Variants in DTX3L observed in about 807,000 individuals in gnomAD.
DTX3L encodes deltex E3 ubiquitin ligase 3L.
In DTX3L, 34 loss-of-function variants were observed where a neutral mutation model predicts 60.9. That is an observed-to-expected ratio of 0.56 (90% confidence interval 0.42 to 0.74). The LOEUF (loss-of-function observed/expected upper bound fraction) is 0.74, where lower values mean the gene tolerates loss of function less well. Ranked by LOEUF, DTX3L falls within the 30% of genes least tolerant of loss-of-function variation. The probability of loss-of-function intolerance (pLI) is 0.00; values close to 1 mark genes in which losing one functional copy is unlikely to be tolerated. For synonymous variants in DTX3L, 290 were observed against 316.6 expected (o/e 0.92, Z 0.89); for missense variants, 810 against 874.0 (o/e 0.93, Z 0.92).
rs1187398215 is a variant in DTX3L, at chr3:122,571,788, A to AT, written c.*41_*42insT. The AT allele has an allele frequency of 6.4e-7, 1 of 1,553,038 alleles. No individual in the cohort carries two copies. Among genetic ancestry groups the AT allele is most frequent in the Non-Finnish European group, 8.8e-7 (1 of 1,137,918 alleles). ...ATGTCTTAAATCAAGCTTTCAAAAA[A>AT]ATATATTTTAGGAGGCTGATTTAAT... On this transcript the variant is annotated 3_prime_UTR_variant, in exon 5 of 5. Transcript: ENST00000296161.
At position 122,566,084 on chromosome 3, in the gene DTX3L, G is replaced by A; in HGVS notation, c.399+14G>A. 6.2e-7 allele frequency: 1 copy of A among 1,611,700 alleles called. No homozygotes were observed. On this transcript the variant is annotated intron_variant, in intron 2 of 4. Coordinates refer to ENST00000296161, the MANE Select transcript of DTX3L (RefSeq NM_138287.3). ...TGTCTCCAAAAGGTGAGTATTGAAA[G>A]AAGGAGCTGGCTGTGCCTGCGCCTC...
In DTX3L at chr3:122,574,001, CTT is replaced by C. The variant is rs769094713; in HGVS notation, c.*2269_*2270del. 2.9e-4 allele frequency: 39 copies of C among 133,066 alleles called. No homozygotes were observed. The highest frequency in any genetic ancestry group is 2.6e-4 in the Non-Finnish European group (16 of 61,258). The allele number at this position is 133,066 out of a possible 1,614,324, so 8.2% of individuals were successfully genotyped here. A position where few individuals can be genotyped will look rare whatever the true frequency, so the allele number is the denominator to read the frequency against. On this transcript the variant is annotated 3_prime_UTR_variant, in exon 5 of 5. Transcript: ENST00000296161. ...CACAGAAGTGCACCACCATGCCTGG[CTT>C]TTTTTTTTTTTTTTGGTCGAGATGG...
At chr3:122,567,074 A>G (rs548007050) in intron 2 of DTX3L, among the ~76,000 whole-genome samples, 1 of 152,294 alleles carries the variant, frequency 6.6e-6, no homozygotes, top group African/African-American at 2.4e-5. Flanking sequence ...AAGAGCTGAC[A>G]TTTTGAGGCC....
rs2080655233 is a variant in DTX3L, at chr3:122,572,868, C to G, written c.*1121C>G. On this transcript the variant is annotated 3_prime_UTR_variant, in exon 5 of 5. Coordinates refer to ENST00000296161, the MANE Select transcript of DTX3L (RefSeq NM_138287.3). ...TGCTGGAATTACAGGCATGAGCCACCACACCCACACAAGACTATCATTTTT... is the reference window on the plus strand; with the variant it reads ...TGCTGGAATTACAGGCATGAGCCACGACACCCACACAAGACTATCATTTTT... 1 of 151,920 alleles carries G rather than the reference C, an allele frequency of 6.6e-6. No individual in the cohort carries two copies. Among genetic ancestry groups the G allele is most frequent in the African/African-American group, 2.4e-5 (1 of 41,254 alleles). 9.4% of individuals were successfully genotyped at this position (151,920 alleles called of 1,614,324 possible).
rs1250245379 is a variant in DTX3L at position 122,564,552 on chromosome 3, G to C, written c.126G>C (p.Thr42=). 9 of 1,610,418 alleles carry C rather than the reference G, an allele frequency of 5.6e-6. No homozygotes were observed. Among genetic ancestry groups the C allele is most frequent in the African/African-American group, 1.3e-5 (1 of 74,474 alleles). ...SSKSSGGGEC[T]VSTQEHEAPG... ...AGTCCTCGGGCGGCGGGGAGTGCACGGTCAGCACCCAGGAACACGAAGCCC... is the reference window on the plus strand; with the variant it reads ...AGTCCTCGGGCGGCGGGGAGTGCACCGTCAGCACCCAGGAACACGAAGCCC... Residue 42 remains threonine, a synonymous_variant, in exon 1 of 5, where the codon ACG becomes ACC. Transcript: ENST00000296161.
Position 122,564,405 on chromosome 3 carries a change from C to A in DTX3L, c.-22C>A. On this transcript the variant is annotated 5_prime_UTR_variant, in exon 1 of 5. Coordinates refer to ENST00000296161, the MANE Select transcript of DTX3L (RefSeq NM_138287.3). ...GCCCAGCTGCCTCCCGGAGCCCCCG[C>A]GCCCTCCCGACGCGCAGAGCCATGG... 6.3e-7 allele frequency: 1 copy of A among 1,596,378 alleles called. No individual in the cohort carries two copies. The highest frequency in any genetic ancestry group is 8.5e-7 in the Non-Finnish European group (1 of 1,172,630).
chr3:122,568,615 G>A lies in DTX3L; in HGVS notation c.526G>A (p.Gly176Ser), dbSNP rs377347184. 2.2e-5 allele frequency: 36 copies of A among 1,614,040 alleles called. No individual in the cohort carries two copies. The highest frequency in any genetic ancestry group is 2.8e-5 in the Non-Finnish European group (33 of 1,180,034). The change falls in exon 3 of 5, where the codon GGT (glycine) becomes AGT (serine). Residue 176 changes from glycine to serine, a missense_variant. Transcript: ENST00000296161. Reference sequence around the variant, plus strand: ...TCACGATGGAATTGAGAAGGTGTGTGGTGACTTCCAAGACATTGAAAGAAT... The same window carrying A: ...TCACGATGGAATTGAGAAGGTGTGTAGTGACTTCCAAGACATTGAAAGAAT... The part of the protein sequence containing the change: ...EGHDGIEKVC[G>S]DFQDIERIHQ...
intron 3 of DTX3L, 118 bp from the exon 4 acceptor site, chr3:122,570,337 T>A: frequency 2.9e-6 from 3 of 1,044,922 alleles, no homozygotes; most frequent in Non-Finnish European, 2.8e-6. Context: ...AATATGAGCA[T>A]AACTTCAATA....
chr3:122,565,472 C>T (rs2080555990), intron 1 of DTX3L, among the ~76,000 whole-genome samples: 1 of 135,044 alleles, frequency 7.4e-6, no homozygotes. Flanking sequence ...CGAGGTCCTA[C>T]CATTGCACTC....
At chr3:122,571,529 A>T (rs1351276259) in intron 4 of DTX3L, 149 bp from the exon 5 acceptor site, 2 of 608,746 alleles carry the variant, frequency 3.3e-6, no homozygotes, top group South Asian at 2.7e-5. Context: ...CGCATCTGCG[A>T]ATTTAAAAGT....
At chr3:122,564,683 G>A (rs1209676037) in intron 1 of DTX3L, 70 bp downstream of exon 1, 8 of 1,534,624 alleles carry the variant, frequency 5.2e-6, no homozygotes, top group Non-Finnish European at 7.0e-6. Flanking sequence ...GGCGGACCCA[G>A]TTCCAGCTGA....
intron 1 of DTX3L, 45 bp downstream of exon 1, chr3:122,564,658 GC>G: frequency 2.6e-6 from 4 of 1,553,592 alleles, no homozygotes; most frequent in Non-Finnish European, 2.6e-6. Context: ...TGGGGGCCCG[GC>G]CCCCGGGTTT....
rs1184814162 is a variant in DTX3L, at chr3:122,573,472, A to G, written c.*1725A>G. ...TTGGAAAACTGAGCTTCTTTCTTTC[A>G]TTGCTTTTTCCCTTAAGAGACAAGT... On this transcript the variant is annotated 3_prime_UTR_variant, in exon 5 of 5. Coordinates refer to ENST00000296161, the MANE Select transcript of DTX3L (RefSeq NM_138287.3). 6.6e-6 allele frequency: 1 copy of G among 152,132 alleles called. No homozygotes were observed. The highest frequency in any genetic ancestry group is 1.5e-5 in the Non-Finnish European group (1 of 68,040). 9.4% of individuals were successfully genotyped at this position (152,132 alleles called of 1,614,324 possible).
At position 122,571,709 on chromosome 3, in the gene DTX3L, C is replaced by G. The variant is rs752116170; in HGVS notation, c.2185C>G (p.Arg729Gly). Residue 729 changes from arginine to glycine, a missense_variant, in exon 5 of 5, where the codon CGT becomes GGT. Arg to Gly is a moderately radical substitution (Grantham distance 125, BLOSUM62 -2). Coordinates refer to ENST00000296161, the MANE Select transcript of DTX3L (RefSeq NM_138287.3). ...CTATCCTGATCCTTCTTACCTGAAA[C>G]GTGTCAAAGAGGAGCTGAAAGCCAA... ...YGYPDPSYLK[R>G]VKEELKAKGI... 5.0e-6 allele frequency: 8 copies of G among 1,613,110 alleles called. No individual in the cohort carries two copies. The highest frequency in any genetic ancestry group is 6.8e-6 in the Non-Finnish European group (8 of 1,179,386).
In DTX3L at chr3:122,574,483, CAT is replaced by C. The variant is rs1182297950; in HGVS notation, c.*2737_*2738del. 1 of 152,204 alleles carries C rather than the reference CAT, an allele frequency of 6.6e-6. No individual in the cohort carries two copies. The highest frequency in any genetic ancestry group is 1.9e-4 in the East Asian group (1 of 5,204). 9.4% of individuals were successfully genotyped at this position (152,204 alleles called of 1,614,324 possible). ...CTTTTCCCAAAGATACACATACACA[CAT>C]GTACAAATTTTTTTATCAGATAATA... On this transcript the variant is annotated 3_prime_UTR_variant, in exon 5 of 5. Transcript: ENST00000296161.
Position 122,574,005 on chromosome 3 carries a change from T to TC in DTX3L, c.*2258_*2259insC, listed in dbSNP as rs1200453322. On this transcript the variant is annotated 3_prime_UTR_variant, in exon 5 of 5. Transcript: ENST00000296161. ...GAAGTGCACCACCATGCCTGGCTTT[T>TC]TTTTTTTTTTTTGGTCGAGATGGGG... 4 of 151,184 alleles carry TC rather than the reference T, an allele frequency of 2.6e-5. No homozygotes were observed. The highest frequency in any genetic ancestry group is 5.9e-5 in the Non-Finnish European group (4 of 67,702). 9.4% of individuals were successfully genotyped at this position (151,184 alleles called of 1,614,324 possible). A position where few individuals can be genotyped will look rare whatever the true frequency, so the allele number is the denominator to read the frequency against.
At position 122,569,820 on chromosome 3, in the gene DTX3L, C is replaced by G. The variant is rs755999363; in HGVS notation, c.1731C>G (p.Cys577Trp). ...GTAACAAAAAAGTGCTACCAAAGTG[C>G]AAGCATGAATTCTGCGCCCCTTGTA... ...TISNKKVLPK[C>W]KHEFCAPCIN... The change falls in exon 3 of 5, where the codon TGC (cysteine) becomes TGG (tryptophan). Residue 577 changes from cysteine to tryptophan, a missense_variant. Cys to Trp is a radical substitution (Grantham distance 215). Coordinates refer to ENST00000296161, the MANE Select transcript of DTX3L (RefSeq NM_138287.3). 4 of 1,614,122 alleles carry G rather than the reference C, an allele frequency of 2.5e-6. No individual in the cohort carries two copies. The South Asian group carries it at 4.4e-5, about 18-fold the overall frequency.
Position 122,572,074 on chromosome 3 carries a change from A to G in DTX3L, c.*327A>G, listed in dbSNP as rs1432021907. On this transcript the variant is annotated 3_prime_UTR_variant, in exon 5 of 5. Transcript: ENST00000296161. ...CAGGCGCCCACCACCATGCCCGGCT[A>G]ATTTTTGTTTTTGTATTTTTAGTAG... is the stretch of plus-strand genomic sequence containing the variant. The G allele has an allele frequency of 5.4e-6, 1 of 184,354 alleles. No individual in the cohort carries two copies. Among genetic ancestry groups the G allele is most frequent in the East Asian group, 1.3e-4 (1 of 7,578 alleles). The allele number at this position is 184,354 out of a possible 1,614,324, so 11.4% of individuals were successfully genotyped here.
rs73192142 is a variant in DTX3L at position 122,573,604 on chromosome 3, G to A, written c.*1857G>A. ...GGCCTCTCGAGTAGATGGGATTATA[G>A]GCATGTGCCACGGTGCCTGACTTGA... On this transcript the variant is annotated 3_prime_UTR_variant, in exon 5 of 5. Transcript: ENST00000296161. The A allele has an allele frequency of 0.082, 12,509 of 152,252 alleles. 754 individuals carry two copies. Among genetic ancestry groups the A allele is most frequent in the Non-Finnish European group, 0.12 (8,005 of 68,064 alleles). The allele number at this position is 152,252 out of a possible 1,614,324, so 9.4% of individuals were successfully genotyped here.
Sources: gnomAD v4.1 joint callset for allele counts (sites outside exome capture counted in the v4.1 genomes callset) on GRCh38, gnomAD v4.1.1 for gene constraint, MANE v1.5 for transcripts, NCBI Gene and HGNC (gene_info 2026-07-23, HGNC 2026-07-21) for gene names.